BTBD7: variants seen among roughly 807,000 people sequenced by gnomAD.
BTBD7 encodes BTB/POZ domain-containing protein 7.
Under a neutral mutation model 99.9 loss-of-function variants are expected in BTBD7, and 38 were observed. The observed-to-expected ratio is 0.38, with a 90% CI of 0.29 to 0.50. The LOEUF (loss-of-function observed/expected upper bound fraction) is 0.50, where lower values mean the gene tolerates loss of function less well. Ranked by LOEUF, BTBD7 falls within the 20% of genes least tolerant of loss-of-function variation. The pLI is 0.93. For synonymous variants in BTBD7, 520 were observed against 511.4 expected (o/e 1.02, Z -0.23); for missense variants, 1,170 against 1,394.6 (o/e 0.84, Z 2.57).
rs1463860675 is a variant in BTBD7 at position 93,332,863 on chromosome 14, G to A, written c.-150C>T. 6 of 1,474,502 alleles carry A rather than the reference G, an allele frequency of 4.1e-6. No homozygotes were observed. The highest frequency in any genetic ancestry group is 5.4e-6 in the Non-Finnish European group (6 of 1,118,300). 91.3% of individuals were successfully genotyped at this position (1,474,502 alleles called of 1,614,324 possible). On this transcript the variant is annotated 5_prime_UTR_variant, in exon 1 of 11. Coordinates refer to ENST00000334746, the MANE Select transcript of BTBD7 (RefSeq NM_001002860.4). The stretch of plus-strand genomic sequence containing the variant: ...CGCTGCTGCTGCCGCTGGGACCGCT[G>A]CCGTCGCCTCCGCCGCCGCCGCCAC...
At chr14:93,319,621 G>A (rs145714417) in intron 1 of BTBD7, among the ~76,000 whole-genome samples, 40 of 152,186 alleles carry the variant, frequency 2.6e-4, no homozygotes, top group African/African-American at 6.3e-4. Context: ...TCATAGAATC[G>A]AAGAGTGAAA....
At position 93,251,596 on chromosome 14, in the gene BTBD7, A is replaced by G. The variant is rs747265743; in HGVS notation, c.1809T>C (p.Val603=). 2.5e-6 allele frequency: 4 copies of G among 1,613,686 alleles called. No individual in the cohort carries two copies. The East Asian group carries it at 8.9e-5, about 36-fold the overall frequency. Residue 603 remains valine (V), a synonymous_variant, in exon 8 of 11, where the codon GTT becomes GTC. Transcript: ENST00000334746. ...GCGTGTCTGGCACATTGGACATTCT[A>G]ACCATTCGCAAGCGCACAAGATCCG... ...EQTDLVRLRM[V]RMSNVPDTLY...
At position 93,242,424 on chromosome 14, in the gene BTBD7, G is replaced by A. The variant is rs1461618919; in HGVS notation, c.3248C>T (p.Pro1083Leu). ...CAGTCTTCTACCGGATCTCTCTTCG[G>A]GAGCTTCAGAGCTACATGCAGAAAG... ...PSLSACSSEA[P>L]EERSGRRLAD... The change falls in exon 11 of 11, where the codon CCC becomes CTC. Residue 1083 changes from proline (P) to leucine (L), a missense_variant. Pro to Leu is a moderately conservative substitution (Grantham distance 98, BLOSUM62 -3). This residue lies in a region of BTBD7 where 495 missense variants were observed against 525.9 expected (regional missense o/e 0.94). Coordinates refer to ENST00000334746, the MANE Select transcript of BTBD7 (RefSeq NM_001002860.4). 6.8e-6 allele frequency: 11 copies of A among 1,614,060 alleles called. No individual in the cohort carries two copies. Among genetic ancestry groups the A allele is most frequent in the Non-Finnish European group, 8.5e-6 (10 of 1,180,054 alleles).
intron 3 of BTBD7, among the ~76,000 whole-genome samples, chr14:93,281,913 G>A (rs1348886622): frequency 2.0e-5 from 3 of 152,232 alleles, no homozygotes; most frequent in African/African-American, 7.2e-5. Flanking sequence ...TATTATAGGA[G>A]ATGGTTTATT....
At position 93,263,838 on chromosome 14, in the gene BTBD7, A is replaced by G. The variant is rs866258300; in HGVS notation, c.1318T>C (p.Tyr440His). Residue 440 changes from tyrosine to histidine, a missense_variant, in exon 4 of 11, where the codon TAT (tyrosine) becomes CAT (histidine). By Grantham distance (83) the Tyr-to-His change is moderately conservative (BLOSUM62 2). Transcript: ENST00000334746. Reference sequence around the variant, plus strand: ...AGCAGATGGTCTTTGCTGAGTTCATAAAAAACATCCGAAGTCATGACCTGG... The same window carrying G: ...AGCAGATGGTCTTTGCTGAGTTCATGAAAAACATCCGAAGTCATGACCTGG... ...FSQVMTSDVF[Y>H]ELSKDHLLTA... The G allele has an allele frequency of 6.2e-7, 1 of 1,614,194 alleles. No individual in the cohort carries two copies. Among genetic ancestry groups the G allele is most frequent in the Non-Finnish European group, 8.5e-7 (1 of 1,180,034 alleles).
chr14:93,288,720 T>G, intron 3 of BTBD7: 2 of 1,606,472 alleles, frequency 1.2e-6, no homozygotes, highest in Non-Finnish European at 1.7e-6. Flanking sequence ...GTAAAACAAA[T>G]GGAAGGCAAG....
chr14:93,272,878 T>G (rs1266222912), intron 3 of BTBD7, among the ~76,000 whole-genome samples: 2 of 152,120 alleles, frequency 1.3e-5, no homozygotes, highest in Non-Finnish European at 2.9e-5. Context: ...TAAGCCCAGG[T>G]GTCTGCAGTG....
chr14:93,283,082 CTGT>C (rs917161063), intron 3 of BTBD7, among the ~76,000 whole-genome samples: 4 of 152,064 alleles, frequency 2.6e-5, no homozygotes, highest in East Asian at 1.9e-4. Flanking sequence ...TTTGCTGTTG[CTGT>C]TGTTTGTTTT....
intron 1 of BTBD7, among the ~76,000 whole-genome samples, chr14:93,326,345 T>C (rs1212557053): frequency 1.3e-5 from 2 of 152,072 alleles, no homozygotes; most frequent in African/African-American, 2.4e-5. Context: ...CACATGCCCA[T>C]AGTCCCAGGT....
chr14:93,288,538 G>T, intron 3 of BTBD7: 1 of 788,512 alleles, frequency 1.3e-6, no homozygotes. Context: ...TCCCTTCATT[G>T]TCTGCTTCCT....
intron 1 of BTBD7, among the ~76,000 whole-genome samples, chr14:93,302,032 C>T (rs2053011275): frequency 6.6e-6 from 1 of 152,104 alleles, no homozygotes; most frequent in Non-Finnish European, 1.5e-5. Context: ...GTAGAGTATG[C>T]AGGTTAGCAA....
rs1048026907 is a variant in BTBD7, at chr14:93,295,840, A to C, written c.82+130T>G. 3 of 829,728 alleles carry C rather than the reference A, an allele frequency of 3.6e-6. No homozygotes were observed. In the African/African-American group the frequency reaches 5.2e-5, roughly 14 times the overall value. 51.4% of individuals were successfully genotyped at this position (829,728 alleles called of 1,614,324 possible). ...ACTTAAGATTTACGTTTGTTGGGGG[A>C]AAAAACCTAGATGCTGCAGAATTAT... On this transcript the variant is annotated intron_variant, in intron 2 of 10. Transcript: ENST00000334746.
intron 1 of BTBD7, among the ~76,000 whole-genome samples, chr14:93,313,201 T>G (rs2053158171): frequency 6.6e-6 from 1 of 152,218 alleles, no homozygotes; most frequent in South Asian, 2.1e-4. Context: ...TTTTCAGAAC[T>G]TTTGGGATTT....
At position 93,296,289 on chromosome 14, in the gene BTBD7, T is replaced by G. The variant is rs949785507; in HGVS notation, c.-106-132A>C. ...CGCTGTCAAATTCACATGTCAAATT[T>G]TCATAAAATGTAAATCTTTAAGCTT... On this transcript the variant is annotated intron_variant, in intron 1 of 10. Transcript: ENST00000334746. 2.2e-5 allele frequency: 13 copies of G among 600,554 alleles called. No individual in the cohort carries two copies. The African/African-American group carries it at 2.5e-4, about 12-fold the overall frequency. 37.2% of individuals were successfully genotyped at this position (600,554 alleles called of 1,614,324 possible).
At chr14:93,318,462 C>A (rs954757678) in intron 1 of BTBD7, among the ~76,000 whole-genome samples, 1 of 152,074 alleles carries the variant, frequency 6.6e-6, no homozygotes, top group Non-Finnish European at 1.5e-5. Flanking sequence ...TATTACTTCA[C>A]AATAAAATGT....
chr14:93,280,973 T>C (rs185740494), intron 3 of BTBD7, among the ~76,000 whole-genome samples: 12 of 151,936 alleles, frequency 7.9e-5, no homozygotes, highest in African/African-American at 2.2e-4. Context: ...GCTGGGACTA[T>C]AGGCACCCAC....
chr14:93,279,037 A>G (rs1485660862), intron 3 of BTBD7, among the ~76,000 whole-genome samples: 1 of 152,266 alleles, frequency 6.6e-6, no homozygotes, highest in Non-Finnish European at 1.5e-5. Context: ...TAAAATTTAC[A>G]GATTTCATCT....
chr14:93,287,148 G>A (rs1175400322), intron 3 of BTBD7, among the ~76,000 whole-genome samples: 1 of 151,534 alleles, frequency 6.6e-6, no homozygotes, highest in Admixed American at 6.6e-5. Flanking sequence ...AGAATCGCTT[G>A]AACCTGGGAG....
At chr14:93,288,411 ATCT>A in intron 3 of BTBD7, 1 of 656,612 alleles carries the variant, frequency 1.5e-6, no homozygotes, top group Middle Eastern at 2.8e-4. Flanking sequence ...CATTTCTGCT[ATCT>A]TATTTCTAAA....
Sources: gnomAD v4.1 joint callset for allele counts (sites outside exome capture counted in the v4.1 genomes callset) on GRCh38, gnomAD v4.1.1 for gene constraint, gnomAD v4.1.1 regional missense constraint, MANE v1.5 for transcripts, NCBI Gene and HGNC (gene_info 2026-07-23, HGNC 2026-07-21) for gene names.